STX1A: variants seen among roughly 807,000 people sequenced by gnomAD.
STX1A encodes the protein syntaxin 1A.
A neutral mutation model predicts 37.8 loss-of-function variants in STX1A; 4 were observed. The ratio of observed to expected loss-of-function variants is 0.11; its 90% CI spans 0.05 to 0.24. STX1A has a LOEUF of 0.24. Among genes scored for constraint, STX1A ranks in the 10% least tolerant of loss-of-function variants. The pLI, the probability that STX1A is intolerant of heterozygous loss-of-function variation, is 1.00. For missense variants in STX1A, 251 were observed against 399.9 expected, an observed-to-expected ratio of 0.63 and a Z score of 3.18; for synonymous variants, 135 against 147.4, an observed-to-expected ratio of 0.92 and a Z score of 0.61.
chr7:73,700,147 GCTC>G lies in STX1A; in HGVS notation c.*257_*259del. On this transcript the variant is annotated 3_prime_UTR_variant, in exon 10 of 10. Coordinates refer to ENST00000222812, the MANE Select transcript of STX1A (RefSeq NM_004603.4). This position sits in a 1 kb window ranked among gnomAD's most constrained non-coding sequence, Gnocchi z 4.4. ...CACCCTGGCGGCCCTGCCTGGGTCTGCTCCTCGCTGTGCACACTGCATCACGCC... is the reference window on the plus strand; with the variant it reads ...CACCCTGGCGGCCCTGCCTGGGTCTGCTCGCTGTGCACACTGCATCACGCC... The G allele has an allele frequency of 1.8e-6, 1 of 557,694 alleles. No individual in the cohort carries two copies. Among genetic ancestry groups the G allele is most frequent in the Non-Finnish European group, 3.2e-6 (1 of 310,652 alleles). The allele number at this position is 557,694 out of a possible 1,614,324, so 34.5% of individuals were successfully genotyped here. A position where few individuals can be genotyped will look rare whatever the true frequency, so the allele number is the denominator to read the frequency against.
chr7:73,705,476 C>T lies in STX1A; in HGVS notation c.209-252G>A, dbSNP rs1002706055. 3.9e-6 allele frequency: 2 copies of T among 512,978 alleles called. No individual in the cohort carries two copies. Among genetic ancestry groups the T allele is most frequent in the Non-Finnish European group, 7.0e-6 (2 of 284,700 alleles). The allele number at this position is 512,978 out of a possible 1,614,324, so 31.8% of individuals were successfully genotyped here. A position where few individuals can be genotyped will look rare whatever the true frequency, so the allele number is the denominator to read the frequency against. On this transcript the variant is annotated intron_variant, in intron 3 of 9. Transcript: ENST00000222812. This position sits in a 1 kb window ranked among gnomAD's most constrained non-coding sequence, Gnocchi z 5.2. ...CCTTCCTCCTTTGCTGGCGCCCCCACCCCCTGGAGATAACAGATGGGTCTA... is the reference window on the plus strand; with the variant it reads ...CCTTCCTCCTTTGCTGGCGCCCCCATCCCCTGGAGATAACAGATGGGTCTA...
intron 2 of STX1A, 60 bp from the exon 3 acceptor site, chr7:73,708,748 C>T (rs1798982080): frequency 1.3e-6 from 2 of 1,552,224 alleles, no homozygotes; most frequent in Admixed American, 1.8e-5. Flanking sequence ...TTCTGGGGCC[C>T]AGAGATGGCC....
intron 1 of STX1A, among the ~76,000 whole-genome samples, chr7:73,716,928 T>C (rs1241473704): frequency 1.3e-5 from 2 of 152,144 alleles, no homozygotes; most frequent in Non-Finnish European, 2.9e-5. Context: ...GGTCTCTCTT[T>C]GTTACCTGTA....
Position 73,700,483 on chromosome 7 carries a change from T to C in STX1A, c.791A>G (p.Lys264Arg). The C allele has an allele frequency of 6.2e-7, 1 of 1,613,952 alleles. No individual in the cohort carries two copies. Among genetic ancestry groups the C allele is most frequent in the Non-Finnish European group, 8.5e-7 (1 of 1,179,974 alleles). ...AVKYQSKARR[K>R]KIMIIICCVI... ...ACAGCAGATGATGATCATGATTTTC[T>C]TCTGCATGGGAAGCGGGCAGGAGAG... Residue 264 changes from lysine (K) to arginine (R), a missense_variant and splice_region_variant, in exon 10 of 10, where the codon AAG (lysine) becomes AGG (arginine). Lys to Arg is a conservative substitution (Grantham distance 26). Coordinates refer to ENST00000222812, the MANE Select transcript of STX1A (RefSeq NM_004603.4). This position sits in a 1 kb window ranked among gnomAD's most constrained non-coding sequence, Gnocchi z 4.4.
At position 73,699,218 on chromosome 7, in the gene STX1A, C is replaced by G. The variant is rs924152404; in HGVS notation, c.*1189G>C. 2.0e-5 allele frequency: 3 copies of G among 152,616 alleles called. No homozygotes were observed. Among genetic ancestry groups the G allele is most frequent in the Non-Finnish European group, 4.4e-5 (3 of 68,042 alleles). The allele number at this position is 152,616 out of a possible 1,614,324, so 9.5% of individuals were successfully genotyped here. A position where few individuals can be genotyped will look rare whatever the true frequency, so the allele number is the denominator to read the frequency against. On this transcript the variant is annotated 3_prime_UTR_variant, in exon 10 of 10. Transcript: ENST00000222812. ...CTACAACAGAGGCCTGGTACAGATACAAATGTTTATTCTACATAAAAATTT... is the reference window on the plus strand; with the variant it reads ...CTACAACAGAGGCCTGGTACAGATAGAAATGTTTATTCTACATAAAAATTT...
intron 1 of STX1A, among the ~76,000 whole-genome samples, chr7:73,715,984 C>G (rs782223345): frequency 1.3e-5 from 2 of 152,208 alleles, no homozygotes; most frequent in Admixed American, 6.5e-5. Context: ...CCCAGAGTGG[C>G]TCAGGGAGGC....
intron 4 of STX1A, 57 bp from the exon 5 acceptor site, chr7:73,704,480 C>T (rs1002422872): frequency 1.4e-5 from 22 of 1,601,610 alleles, no homozygotes; most frequent in Non-Finnish European, 1.7e-5. Context: ...CCGTCCCCTA[C>T]CCGCACACCC....
chr7:73,702,157 G>A lies in STX1A; in HGVS notation c.678+688C>T, dbSNP rs186729875. 7.9e-5 allele frequency among the ~76,000 whole-genome samples: 12 copies of A among 152,262 alleles called. No homozygotes were observed. Among genetic ancestry groups the A allele is most frequent in the Admixed American group, 3.3e-4 (5 of 15,296 alleles). On this transcript the variant is annotated intron_variant, in intron 8 of 9. Coordinates refer to ENST00000222812, the MANE Select transcript of STX1A (RefSeq NM_004603.4). The surrounding 1 kb of genome is among the most constrained non-coding windows in gnomAD (Gnocchi z 4.7). ...GGGGCCAGCTCTTCATCTCCGCTGCGAAGTCTTCACAGCTGGCTCCTTTTC... is the reference window on the plus strand; with the variant it reads ...GGGGCCAGCTCTTCATCTCCGCTGCAAAGTCTTCACAGCTGGCTCCTTTTC...
In STX1A at chr7:73,705,663, CAG is replaced by C. The variant is rs150643364; in HGVS notation, c.209-441_209-440del. The C allele has an allele frequency of 0.013, 2,650 of 201,806 alleles. 74 individuals carry two copies. Among genetic ancestry groups the C allele is most frequent in the African/African-American group, 0.057 (2,433 of 42,658 alleles). 12.5% of individuals were successfully genotyped at this position (201,806 alleles called of 1,614,324 possible). ...GGTACGCAGCCAGGCAGGGGGTTGA[CAG>C]GGGACCACCCCACACTCCCTGAGTC... On this transcript the variant is annotated intron_variant, in intron 3 of 9. Transcript: ENST00000222812. The surrounding 1 kb of genome is among the most constrained non-coding windows in gnomAD (Gnocchi z 5.2).
chr7:73,705,126 C>G lies in STX1A; in HGVS notation c.283+24G>C, dbSNP rs1459551254. On this transcript the variant is annotated intron_variant, in intron 4 of 9. Transcript: ENST00000222812. This position sits in a 1 kb window ranked among gnomAD's most constrained non-coding sequence, Gnocchi z 5.2. ...AAGCAGGCCTAGAATGCCCCCCACC[C>G]ACCCCCAGACAAGCCTGACTCACTC... 6 of 1,612,200 alleles carry G rather than the reference C, an allele frequency of 3.7e-6. No homozygotes were observed. Among genetic ancestry groups the G allele is most frequent in the Non-Finnish European group, 4.2e-6 (5 of 1,178,358 alleles).
chr7:73,705,213 C>T lies in STX1A; in HGVS notation c.220G>A (p.Glu74Lys). 1.2e-6 allele frequency: 2 copies of T among 1,614,076 alleles called. No homozygotes were observed. The highest frequency in any genetic ancestry group is 1.7e-6 in the Non-Finnish European group (2 of 1,179,966). The change falls in exon 4 of 10, where the codon GAG (glutamate) becomes AAG (lysine). Residue 74 changes from glutamate to lysine, a missense_variant. By Grantham distance (56) the Glu-to-Lys change is moderately conservative. This residue lies in a region of STX1A where 214 missense variants were observed against 367.6 expected (regional missense o/e 0.58). Transcript: ENST00000222812. This position sits in a 1 kb window ranked among gnomAD's most constrained non-coding sequence, Gnocchi z 5.2. Reference sequence around the variant, plus strand: ...ATGTCGGACATGAGTTCTTCCAGCTCCTCCTTCGTCTCTGGGGAGGTAGAA... The same window carrying T: ...ATGTCGGACATGAGTTCTTCCAGCTTCTCCTTCGTCTCTGGGGAGGTAGAA... ...SPNPDEKTKE[E>K]LEELMSDIKK...
chr7:73,704,117 G>C, intron 6 of STX1A, 31 bp downstream of exon 6: 1 of 1,552,390 alleles, frequency 6.4e-7, no homozygotes, highest in Non-Finnish European at 8.8e-7. Context: ...CCAGGCTCCA[G>C]GCCCCGCCCC....
chr7:73,708,343 A>C (rs1798960171), intron 3 of STX1A, among the ~76,000 whole-genome samples: 2 of 151,738 alleles, frequency 1.3e-5, no homozygotes, highest in Admixed American at 1.3e-4. Flanking sequence ...CTCTCCCATC[A>C]CCCAAGTCTT....
rs1746613068 is a variant in STX1A at position 73,703,762 on chromosome 7, G to A, written c.533C>T (p.Ala178Val). Reference sequence around the variant, plus strand: ...GATGGGGCCTACACTCACCCCAGAGGCAAAGATGGCGGGGTTCCCACTCTC... The same window carrying A: ...GATGGGGCCTACACTCACCCCAGAGACAAAGATGGCGGGGTTCCCACTCTC... ...MLESGNPAIF[A>V]SGIIMDSSIS... The change falls in exon 7 of 10, where the codon GCC (alanine) becomes GTC (valine). Residue 178 changes from alanine (A) to valine (V), a missense_variant. Transcript: ENST00000222812. The A allele has an allele frequency of 1.2e-6, 2 of 1,613,710 alleles. No individual in the cohort carries two copies. The highest frequency in any genetic ancestry group is 1.7e-4 in the Middle Eastern group (1 of 6,060).
intron 1 of STX1A, among the ~76,000 whole-genome samples, chr7:73,714,479 C>T (rs1264473543): frequency 6.6e-6 from 1 of 152,092 alleles, no homozygotes; most frequent in Non-Finnish European, 1.5e-5. Flanking sequence ...TAGCTCACTG[C>T]AGCCTTGATC....
chr7:73,713,294 C>T (rs942309215), intron 1 of STX1A, among the ~76,000 whole-genome samples: 2 of 152,166 alleles, frequency 1.3e-5, no homozygotes, highest in East Asian at 1.9e-4. Context: ...GATAAGGACG[C>T]GGGATGGCAG....
intron 1 of STX1A, among the ~76,000 whole-genome samples, chr7:73,718,839 G>T (rs1799385978): frequency 6.6e-6 from 1 of 152,018 alleles, no homozygotes; most frequent in Non-Finnish European, 1.5e-5. Context: ...CACCCCAGGG[G>T]TTTCCCAGAT....
rs1798812980 is a variant in STX1A, at chr7:73,704,823, T to C, written c.283+327A>G. 3 of 516,518 alleles carry C rather than the reference T, an allele frequency of 5.8e-6. No individual in the cohort carries two copies. The Admixed American group carries it at 9.8e-5, about 17-fold the overall frequency. The allele number at this position is 516,518 out of a possible 1,614,324, so 32.0% of individuals were successfully genotyped here. ...GGCACTCATGGGGTGCACGTGTCTGTTCACCCAGAATACCGGGCTTCTGCA... is the reference window on the plus strand; with the variant it reads ...GGCACTCATGGGGTGCACGTGTCTGCTCACCCAGAATACCGGGCTTCTGCA... On this transcript the variant is annotated intron_variant, in intron 4 of 9. Transcript: ENST00000222812.
In STX1A at chr7:73,712,794, C is replaced by CT. The variant is rs1400871105; in HGVS notation, c.31-3673dup. Among the ~76,000 whole-genome samples the CT allele has an allele frequency of 2.0e-5, 3 of 152,122 alleles. No homozygotes were observed. The East Asian group carries it at 5.8e-4, about 29-fold the overall frequency. ...GCATCCACATCCTCCCTAGATTTTT[C>CT]TTTTTAAGTATTCCTTCCCTTTCAG... On this transcript the variant is annotated intron_variant, in intron 1 of 9. Coordinates refer to ENST00000222812, the MANE Select transcript of STX1A (RefSeq NM_004603.4).
Sources: allele counts gnomAD v4.1 joint callset (sites outside exome capture counted in the v4.1 genomes callset), GRCh38; gene constraint gnomAD v4.1.1; regional missense constraint gnomAD v4.1.1; non-coding constraint Gnocchi (gnomAD v3.1); transcripts MANE v1.5; gene names NCBI Gene and HGNC (gene_info 2026-07-23, HGNC 2026-07-21).